Variants in KAT6B observed in about 807,000 individuals in gnomAD.
The protein encoded by KAT6B is histone acetyltransferase KAT6B.
A neutral mutation model predicts 187.5 loss-of-function variants in KAT6B; 10 were observed. The observed-to-expected ratio is 0.05, with a 90% confidence interval of 0.03 to 0.09. The LOEUF is 0.09. KAT6B is among the 10% of genes least tolerant of loss of function. The pLI, the probability that KAT6B is intolerant of heterozygous loss-of-function variation, is 1.00. For synonymous variants in KAT6B, 861 were observed against 926.8 expected (o/e 0.93, Z 1.29); for missense variants, 1,952 against 2,558.9 (o/e 0.76, Z 5.12).
intron 3 of KAT6B, among the ~76,000 whole-genome samples, chr10:74,928,595 G>C (rs1200503005): frequency 6.6e-6 from 1 of 152,132 alleles, no homozygotes; most frequent in Admixed American, 6.5e-5. Flanking sequence ...AATCACTGGT[G>C]GGGGGCCTGG....
intron 3 of KAT6B, among the ~76,000 whole-genome samples, chr10:74,919,654 A>C (rs575351732): frequency 1.3e-5 from 2 of 152,100 alleles, no homozygotes; most frequent in Non-Finnish European, 1.5e-5. Context: ...CCGCCCACCT[A>C]GGCCTCCCAA....
intron 4 of KAT6B, among the ~76,000 whole-genome samples, chr10:74,965,915 T>A (rs1589719436): frequency 6.6e-6 from 1 of 151,772 alleles, no homozygotes; most frequent in South Asian, 2.1e-4. Flanking sequence ...TTTTTTTTTT[T>A]TAGTAGAGAC....
intron 3 of KAT6B, among the ~76,000 whole-genome samples, chr10:74,890,247 G>A (rs915357104): frequency 2.6e-5 from 4 of 152,096 alleles, no homozygotes; most frequent in Non-Finnish European, 5.9e-5. Flanking sequence ...ATGTTGCCCA[G>A]GCTAGTCTTG....
chr10:74,971,305 A>G (rs147072963), intron 6 of KAT6B, among the ~76,000 whole-genome samples: 1 of 152,312 alleles, frequency 6.6e-6, no homozygotes, highest in African/African-American at 2.4e-5. Context: ...GAAAGGCTGT[A>G]TCAGTTTTCA....
intron 2 of KAT6B, among the ~76,000 whole-genome samples, chr10:74,839,792 C>T (rs1401931975): frequency 6.6e-6 from 1 of 152,174 alleles, no homozygotes; most frequent in Non-Finnish European, 1.5e-5. Context: ...TCTAAACTAA[C>T]TGACAGAGAA....
At chr10:74,963,049 A>T (rs914904933) in intron 4 of KAT6B, among the ~76,000 whole-genome samples, 1 of 152,164 alleles carries the variant, frequency 6.6e-6, no homozygotes, top group African/African-American at 2.4e-5. Context: ...CTCCATCCAC[A>T]GAGCTATTGT....
Position 74,976,076 on chromosome 10 carries a change from C to T in KAT6B, c.1739C>T (p.Thr580Met), listed in dbSNP as rs753701487. 1.3e-5 allele frequency: 21 copies of T among 1,614,034 alleles called. No individual in the cohort carries two copies. The highest frequency in any genetic ancestry group is 2.7e-5 in the African/African-American group (2 of 74,896). The part of the protein sequence containing the change: ...RMRRKTELSS[T>M]AKSKAHFFGK... ...CGTCGTAAAACTGAATTATCTTCCA[C>T]GGCAAAATCTAAAGCCCACTTCTTT... Residue 580 changes from threonine (T) to methionine (M), a missense_variant, in exon 8 of 18, where the codon ACG becomes ATG. By Grantham distance (81) the Thr-to-Met change is moderately conservative. Transcript: ENST00000287239.
chr10:74,895,544 T>C (rs1051368743), intron 3 of KAT6B, among the ~76,000 whole-genome samples: 2 of 152,088 alleles, frequency 1.3e-5, no homozygotes, highest in African/African-American at 4.8e-5. Context: ...CTTAATCTTA[T>C]TCCTTATTTT....
At position 75,029,357 on chromosome 10, in the gene KAT6B, G is replaced by A; in HGVS notation, c.4533G>A (p.Gln1511=). The stretch of plus-strand genomic sequence containing the variant: ...ACGAGGAGCCACCCCCAGGAGAACA[G>A]GCACAGAAGCAGGACCAAAAGAACA... ...ESDEEPPPGE[Q]AQKQDQKNSK... is the part of the protein sequence containing the mutation. Residue 1511 remains glutamine (Q), a synonymous_variant, in exon 18 of 18, where the codon CAG becomes CAA. Coordinates refer to ENST00000287239, the MANE Select transcript of KAT6B (RefSeq NM_012330.4). This position sits in a 1 kb window ranked among gnomAD's most constrained non-coding sequence, Gnocchi z 6.2. 2 of 1,614,110 alleles carry A rather than the reference G, an allele frequency of 1.2e-6. No individual in the cohort carries two copies. Among genetic ancestry groups the A allele is most frequent in the Non-Finnish European group, 1.7e-6 (2 of 1,180,024 alleles).
At chr10:74,901,385 A>G (rs1223068135) in intron 3 of KAT6B, among the ~76,000 whole-genome samples, 2 of 152,224 alleles carry the variant, frequency 1.3e-5, no homozygotes, top group Non-Finnish European at 2.9e-5. Flanking sequence ...GGCAGGTTTC[A>G]CTGCAGGCCT....
chr10:74,968,135 C>A (rs889253412), intron 4 of KAT6B, among the ~76,000 whole-genome samples: 2 of 152,136 alleles, frequency 1.3e-5, no homozygotes, highest in Non-Finnish European at 2.9e-5. Flanking sequence ...CTCTCCCCTC[C>A]CCGCTTCAGT....
intron 13 of KAT6B, among the ~76,000 whole-genome samples, chr10:75,005,252 C>T (rs1456079759): frequency 2.0e-5 from 3 of 148,444 alleles, no homozygotes; most frequent in African/African-American, 7.5e-5. Context: ...GAGTCTTGCT[C>T]TGTTGCCCAG....
At chr10:74,849,479 G>A (rs1392126554) in intron 3 of KAT6B, among the ~76,000 whole-genome samples, 1 of 150,264 alleles carries the variant, frequency 6.7e-6, no homozygotes, top group Non-Finnish European at 1.5e-5. Flanking sequence ...TTTTAGTAGA[G>A]ACAGGGTTTC....
chr10:74,946,936 G>A (rs1839990203), intron 3 of KAT6B, among the ~76,000 whole-genome samples: 1 of 152,080 alleles, frequency 6.6e-6, no homozygotes, highest in South Asian at 2.1e-4. Flanking sequence ...GCTTAAAGAT[G>A]GTTAAAATGG....
At chr10:74,980,127 C>T (rs917584327) in intron 10 of KAT6B, among the ~76,000 whole-genome samples, 52 of 152,144 alleles carry the variant, frequency 3.4e-4, no homozygotes, top group African/African-American at 1.2e-3. Flanking sequence ...CTACTGCACT[C>T]CAGCTCAGGT....
At position 74,960,043 on chromosome 10, in the gene KAT6B, A is replaced by G; in HGVS notation, c.695A>G (p.Glu232Gly). Reference protein sequence around the residue: ...TKESNREKKPEELLSCADCGS... With the variant: ...TKESNREKKPGELLSCADCGS... ...GAATCAAATCGTGAAAAGAAACCAG[A>G]AGAACTCCTCTCTTGTGCAGATTGT... Residue 232 changes from glutamate to glycine, a missense_variant, in exon 4 of 18, where the codon GAA becomes GGA. Coordinates refer to ENST00000287239, the MANE Select transcript of KAT6B (RefSeq NM_012330.4). The G allele has an allele frequency of 6.2e-7, 1 of 1,613,068 alleles. No individual in the cohort carries two copies. Among genetic ancestry groups the G allele is most frequent in the Non-Finnish European group, 8.5e-7 (1 of 1,179,092 alleles).
At chr10:74,939,545 T>G (rs1242115795) in intron 3 of KAT6B, among the ~76,000 whole-genome samples, 2 of 151,998 alleles carry the variant, frequency 1.3e-5, no homozygotes, top group African/African-American at 4.8e-5. Flanking sequence ...GGACTATAGG[T>G]GTGCGCCACC....
chr10:74,878,592 T>G (rs58330860), intron 3 of KAT6B, among the ~76,000 whole-genome samples: 14,832 of 143,718 alleles, frequency 0.1, 1,761 homozygotes, highest in African/African-American at 0.3. Flanking sequence ...TGCACTCCAG[T>G]CTGGGTGACA....
At chr10:74,998,004 C>T (rs1035042184) in intron 13 of KAT6B, among the ~76,000 whole-genome samples, 3 of 152,084 alleles carry the variant, frequency 2.0e-5, no homozygotes, top group Admixed American at 6.5e-5. Context: ...CCCAGCTACT[C>T]GGGAGGCTAA....
Sources: gnomAD v4.1 joint callset for allele counts (sites outside exome capture counted in the v4.1 genomes callset) on GRCh38, gnomAD v4.1.1 for gene constraint, Gnocchi (gnomAD v3.1) non-coding constraint, MANE v1.5 for transcripts, NCBI Gene and HGNC (gene_info 2026-07-23, HGNC 2026-07-21) for gene names.